ARMC2: variants seen among roughly 807,000 people sequenced by gnomAD.
The protein encoded by ARMC2 is armadillo repeat-containing protein 2.
In ARMC2, 67 loss-of-function variants were observed where a neutral mutation model predicts 90.3. The observed-to-expected ratio is 0.74, with a 90% CI of 0.61 to 0.91. ARMC2 has a LOEUF of 0.91. Among genes scored for constraint, ARMC2 ranks in the 40% least tolerant of loss-of-function variants. The pLI is 0.00. For missense variants in ARMC2, 920 were observed against 1,030.9 expected, an observed-to-expected ratio of 0.89 and a Z score of 1.47; for synonymous variants, 393 against 393.0, an observed-to-expected ratio of 1.00 and a Z score of 0.00.
chr6:108,891,263 A>G (rs1457398554), intron 5 of ARMC2, among the ~76,000 whole-genome samples: 1 of 152,244 alleles, frequency 6.6e-6, no homozygotes, highest in African/African-American at 2.4e-5. Flanking sequence ...TTGGGTATAT[A>G]CCCAGTAATG....
the ARMC2 span, among the ~76,000 whole-genome samples, chr6:109,031,057 C>T: frequency 4.6e-5 from 7 of 152,140 alleles, no homozygotes; most frequent in Non-Finnish European, 5.9e-5. Context: ...TTAAATTATA[C>T]ACCACAAACT....
chr6:108,903,255 C>T (rs1583059235), intron 7 of ARMC2, among the ~76,000 whole-genome samples: 1 of 151,852 alleles, frequency 6.6e-6, no homozygotes, highest in Non-Finnish European at 1.5e-5. Flanking sequence ...AAATACTCTC[C>T]TTTTTTTAAA....
intron 12 of ARMC2, among the ~76,000 whole-genome samples, chr6:108,948,703 A>G (rs1288876204): frequency 1.3e-5 from 2 of 151,852 alleles, no homozygotes; most frequent in African/African-American, 4.8e-5. Context: ...CTGGAGGCTT[A>G]CTAATCTCGG....
At chr6:108,877,938 T>C (rs1271300742) in intron 5 of ARMC2, among the ~76,000 whole-genome samples, 1 of 152,220 alleles carries the variant, frequency 6.6e-6, no homozygotes, top group Non-Finnish European at 1.5e-5. Context: ...TGTGTTTTGT[T>C]AGGACGGCTT....
chr6:108,882,333 G>C (rs1157250421), intron 5 of ARMC2, among the ~76,000 whole-genome samples: 1 of 151,894 alleles, frequency 6.6e-6, no homozygotes, highest in Non-Finnish European at 1.5e-5. Flanking sequence ...CAGCTACTCG[G>C]GAGGTTGAGG....
At chr6:108,915,224 G>A (rs998091783) in intron 10 of ARMC2, among the ~76,000 whole-genome samples, 1 of 152,098 alleles carries the variant, frequency 6.6e-6, no homozygotes, top group South Asian at 2.1e-4. Flanking sequence ...CCAAAGTGCT[G>A]GGATTATAGG....
At chr6:109,001,208 CTG>C in the ARMC2 span, 1 of 1,151,174 alleles carries the variant, frequency 8.7e-7, no homozygotes, top group Non-Finnish European at 1.3e-6. Flanking sequence ...GTATTTATCC[CTG>C]TGTTTAAAGC....
the ARMC2 span, chr6:109,000,382 G>T: frequency 1.3e-6 from 1 of 756,576 alleles, no homozygotes; most frequent in East Asian, 2.8e-5. Context: ...GAGATTCAGG[G>T]GGTAGAAAAT....
chr6:109,006,334 A>G, the ARMC2 span, among the ~76,000 whole-genome samples: 1 of 152,084 alleles, frequency 6.6e-6, no homozygotes, highest in African/African-American at 2.4e-5. Context: ...GTTCTAGGGT[A>G]CATGTGCACA....
At chr6:109,042,545 A>T in the ARMC2 span, among the ~76,000 whole-genome samples, 1 of 150,908 alleles carries the variant, frequency 6.6e-6, no homozygotes, top group Non-Finnish European at 1.5e-5. Flanking sequence ...AAAAAAAAAC[A>T]AACCTGCAAA....
chr6:108,865,272 C>T (rs192815624), intron 3 of ARMC2, among the ~76,000 whole-genome samples: 19 of 152,254 alleles, frequency 1.2e-4, no homozygotes, highest in African/African-American at 3.9e-4. Context: ...CATGAGCCAC[C>T]GCACCTAGCC....
At chr6:108,917,547 G>T (rs1774091951) in intron 10 of ARMC2, among the ~76,000 whole-genome samples, 1 of 152,218 alleles carries the variant, frequency 6.6e-6, no homozygotes, top group South Asian at 2.1e-4. Context: ...ATCATGAATA[G>T]AAATTAGAGA....
chr6:108,874,041 T>C (rs1776694679), intron 4 of ARMC2, among the ~76,000 whole-genome samples: 1 of 152,242 alleles, frequency 6.6e-6, no homozygotes. Flanking sequence ...GTGGTAAGGC[T>C]GCTGGGAGCT....
At chr6:108,906,985 A>G (rs962431378) in intron 8 of ARMC2, among the ~76,000 whole-genome samples, 4 of 152,244 alleles carry the variant, frequency 2.6e-5, no homozygotes, top group Non-Finnish European at 4.4e-5. Flanking sequence ...CATCCCTTGC[A>G]TAAATGTAAG....
intron 5 of ARMC2, among the ~76,000 whole-genome samples, chr6:108,893,269 G>A (rs953594297): frequency 1.3e-5 from 2 of 152,082 alleles, no homozygotes; most frequent in African/African-American, 4.8e-5. Context: ...GTTTTTTAAT[G>A]TTTAAAATAT....
the ARMC2 span, among the ~76,000 whole-genome samples, chr6:109,032,806 A>G: frequency 6.6e-6 from 1 of 152,270 alleles, no homozygotes; most frequent in East Asian, 1.9e-4. Context: ...CAGGGCTAAG[A>G]TAGGAAGATA....
At position 108,932,516 on chromosome 6, in the gene ARMC2, CTTTTTTTT is replaced by C. The variant is rs60000198; in HGVS notation, c.1496+4303_1496+4310del. ...TAAACAGTGAGTCTTTTCTCCATTG[CTTTTTTTT>C]TTTTTTTTTTTTTTTTTTTGTTGAG... On this transcript the variant is annotated intron_variant, in intron 11 of 17. Coordinates refer to ENST00000392644, the MANE Select transcript of ARMC2 (RefSeq NM_032131.6). 7.7e-5 allele frequency among the ~76,000 whole-genome samples: 6 copies of C among 77,908 alleles called. No homozygotes were observed. In the East Asian group the frequency reaches 2.5e-3, roughly 33 times the overall value. 51.1% of individuals were successfully genotyped at this position (77,908 alleles called of 152,430 possible).
intron 4 of ARMC2, among the ~76,000 whole-genome samples, chr6:108,871,488 G>A (rs910578942): frequency 6.6e-6 from 1 of 152,186 alleles, no homozygotes; most frequent in African/African-American, 2.4e-5. Context: ...ACCTGGAGGT[G>A]AAGGGCACTT....
At chr6:108,940,902 A>G (rs1010879563) in intron 12 of ARMC2, among the ~76,000 whole-genome samples, 1 of 152,176 alleles carries the variant, frequency 6.6e-6, no homozygotes, top group African/African-American at 2.4e-5. Flanking sequence ...CAGCTTGGCA[A>G]CAAGGTGAAA....
Sources: allele counts gnomAD v4.1 joint callset (sites outside exome capture counted in the v4.1 genomes callset), GRCh38; gene constraint gnomAD v4.1.1; transcripts MANE v1.5; gene names NCBI Gene and HGNC (gene_info 2026-07-23, HGNC 2026-07-21).